The following SUSD4 variants were observed in gnomAD, a reference collection of about 807,000 sequenced individuals.
SUSD4 encodes the protein sushi domain-containing protein 4.
SUSD4 carries 41 observed loss-of-function variants against 50.5 expected under a neutral mutation model. The observed-to-expected ratio is 0.81, with a 90% CI of 0.63 to 1.05. The LOEUF is 1.05. SUSD4 is among the 50% of genes least tolerant of loss of function. The pLI, the probability that SUSD4 is intolerant of heterozygous loss-of-function variation, is 0.00. For synonymous variants in SUSD4, 257 were observed against 257.3 expected, an observed-to-expected ratio of 1.00 and a Z score of 0.01; for missense variants, 580 against 634.7, an observed-to-expected ratio of 0.91 and a Z score of 0.93.
intron 2 of SUSD4, among the ~76,000 whole-genome samples, chr1:223,307,488 C>T (rs541468603): frequency 5.9e-5 from 9 of 152,292 alleles, no homozygotes; most frequent in Non-Finnish European, 1.0e-4. Flanking sequence ...AACTTTCAAA[C>T]ACTCTTTTTT....
intron 5 of SUSD4, among the ~76,000 whole-genome samples, chr1:223,246,916 C>A (rs1029301899): frequency 6.6e-6 from 1 of 152,106 alleles, no homozygotes; most frequent in South Asian, 2.1e-4. Flanking sequence ...GGGCATGGGG[C>A]AGGGGAAGCA....
At chr1:223,256,285 G>A (rs74145787) in intron 5 of SUSD4, among the ~76,000 whole-genome samples, 13,189 of 152,218 alleles carry the variant, frequency 0.087, 621 homozygotes, top group East Asian at 0.14. Context: ...TGCAGTACAG[G>A]AGAAAGCACA....
intron 2 of SUSD4, among the ~76,000 whole-genome samples, chr1:223,312,692 T>C (rs17163787): frequency 0.72 from 109,592 of 152,076 alleles, 39,904 homozygotes; most frequent in Non-Finnish European, 0.79. Flanking sequence ...GGCCCAAGGG[T>C]AGCAGATTTG....
At chr1:223,284,437 G>A (rs896124300) in intron 3 of SUSD4, among the ~76,000 whole-genome samples, 1 of 152,154 alleles carries the variant, frequency 6.6e-6, no homozygotes, top group African/African-American at 2.4e-5. Flanking sequence ...CACTACCAAG[G>A]AGACCATGGG....
chr1:223,230,061 G>A lies in SUSD4; in HGVS notation c.725-673C>T, dbSNP rs146827894. ...CCTTGATTTTTCTCCTCTGTCAAAT[G>A]GAAGCTTATTCTACCCTAGGAGGAC... On this transcript the variant is annotated intron_variant, in intron 5 of 8. Coordinates refer to ENST00000366878, the MANE Select transcript of SUSD4 (RefSeq NM_017982.4). Among the ~76,000 whole-genome samples, 601 of 152,264 alleles carry A rather than the reference G, an allele frequency of 3.9e-3. 3 individuals are homozygous for A. Among genetic ancestry groups the A allele is most frequent in the African/African-American group, 0.014 (566 of 41,542 alleles).
At position 223,241,599 on chromosome 1, in the gene SUSD4, T is replaced by C. The variant is rs545339249; in HGVS notation, c.725-12211A>G. Among the ~76,000 whole-genome samples the C allele has an allele frequency of 4.3e-4, 65 of 152,354 alleles. 1 individual carries two copies. Among genetic ancestry groups the C allele is most frequent in the African/African-American group, 1.4e-3 (60 of 41,576 alleles). On this transcript the variant is annotated intron_variant, in intron 5 of 8. Transcript: ENST00000366878. ...TGATTTTTCAGTCTGTTCAGTTTTT[T>C]ACTCATTGTTAGGACAGATTGGTGA...
At chr1:223,253,338 C>CA (rs764285017) in intron 5 of SUSD4, among the ~76,000 whole-genome samples, 142 of 98,760 alleles carry the variant, frequency 1.4e-3, no homozygotes, top group South Asian at 2.4e-3. Flanking sequence ...TGCTTCAGTA[C>CA]AAAAAAAAAA....
chr1:223,340,795 G>A (rs1232006486), intron 2 of SUSD4, among the ~76,000 whole-genome samples: 2 of 152,184 alleles, frequency 1.3e-5, no homozygotes, highest in Non-Finnish European at 2.9e-5. Flanking sequence ...TAGAGAGTAT[G>A]TCAAAGGCTG....
chr1:223,296,926 T>G (rs1664861502), intron 2 of SUSD4, among the ~76,000 whole-genome samples: 2 of 152,320 alleles, frequency 1.3e-5, no homozygotes, highest in South Asian at 4.2e-4. Flanking sequence ...CTCTTTCCTT[T>G]ATAATTTACC....
chr1:223,272,394 T>C (rs1662978527), intron 3 of SUSD4, among the ~76,000 whole-genome samples: 1 of 152,166 alleles, frequency 6.6e-6, no homozygotes, highest in Admixed American at 6.5e-5. Context: ...GGGGATTCAA[T>C]ATAGTGAATA....
intron 3 of SUSD4, among the ~76,000 whole-genome samples, chr1:223,288,055 G>A (rs1664257213): frequency 6.6e-6 from 1 of 152,120 alleles, no homozygotes; most frequent in Non-Finnish European, 1.5e-5. Flanking sequence ...CCTGCTAGAG[G>A]GATTTGGCTT....
chr1:223,251,257 G>A (rs1661286424), intron 5 of SUSD4, among the ~76,000 whole-genome samples: 1 of 152,200 alleles, frequency 6.6e-6, no homozygotes, highest in Admixed American at 6.5e-5. Context: ...TTCTGGCACA[G>A]GCTTCAGGAA....
chr1:223,258,716 G>A, intron 5 of SUSD4, among the ~76,000 whole-genome samples: 1 of 152,168 alleles, frequency 6.6e-6, no homozygotes, highest in East Asian at 1.9e-4. Context: ...TGAAACCTTA[G>A]GTACCTGCAG....
intron 2 of SUSD4, among the ~76,000 whole-genome samples, chr1:223,313,775 G>A (rs905677540): frequency 6.6e-5 from 10 of 152,228 alleles, no homozygotes; most frequent in East Asian, 5.8e-4. Context: ...GTGACCTCTG[G>A]TCATCCTCAC....
chr1:223,344,718 C>T (rs937790890), intron 2 of SUSD4, among the ~76,000 whole-genome samples: 13 of 152,166 alleles, frequency 8.5e-5, no homozygotes, highest in African/African-American at 2.4e-4. Flanking sequence ...CTCATTTAAT[C>T]GGGATGGACA....
intron 5 of SUSD4, chr1:223,263,696 C>G: frequency 1.0e-5 from 10 of 985,428 alleles, no homozygotes; most frequent in Non-Finnish European, 1.2e-5. Flanking sequence ...TCTGATCCTT[C>G]TGAGCAATAG....
At chr1:223,301,637 C>G (rs1483513612) in intron 2 of SUSD4, among the ~76,000 whole-genome samples, 1 of 152,196 alleles carries the variant, frequency 6.6e-6, no homozygotes, top group Non-Finnish European at 1.5e-5. Context: ...ACCAGCAATG[C>G]AGGTAAACCA....
At chr1:223,233,458 C>T (rs998643918) in intron 5 of SUSD4, among the ~76,000 whole-genome samples, 2 of 152,076 alleles carry the variant, frequency 1.3e-5, no homozygotes, top group African/African-American at 4.8e-5. Context: ...ACCTCTCACC[C>T]AACACTGCCT....
In SUSD4 at chr1:223,316,167, C is replaced by A. The variant is rs555317738; in HGVS notation, c.149-23516G>T. Among the ~76,000 whole-genome samples the A allele has an allele frequency of 9.9e-5, 15 of 152,100 alleles. No individual in the cohort carries two copies. In the South Asian group the frequency reaches 3.1e-3, roughly 32 times the overall value. On this transcript the variant is annotated intron_variant, in intron 2 of 8. Coordinates refer to ENST00000366878, the MANE Select transcript of SUSD4 (RefSeq NM_017982.4). ...GAATAACAGGGCAGAAGAGAGGCTGCAACCCAAAATGACTTGGGAAAATCT... is the reference window on the plus strand; with the variant it reads ...GAATAACAGGGCAGAAGAGAGGCTGAAACCCAAAATGACTTGGGAAAATCT...
Sources: gnomAD v4.1 joint callset for allele counts (sites outside exome capture counted in the v4.1 genomes callset) on GRCh38, gnomAD v4.1.1 for gene constraint, MANE v1.5 for transcripts, NCBI Gene and HGNC (gene_info 2026-07-23, HGNC 2026-07-21) for gene names.